MAGI2: variants seen among roughly 807,000 people sequenced by gnomAD.
The protein encoded by MAGI2 is membrane-associated guanylate kinase, WW and PDZ domain-containing protein 2.
Under a neutral mutation model 133.3 loss-of-function variants are expected in MAGI2, and 35 were observed. The observed-to-expected ratio is 0.26, with a 90% CI of 0.20 to 0.35. The LOEUF (loss-of-function observed/expected upper bound fraction) is 0.35, where lower values mean the gene tolerates loss of function less well. Among genes scored for constraint, MAGI2 ranks in the 10% least tolerant of loss-of-function variants. The probability of loss-of-function intolerance (pLI) is 1.00; values close to 1 mark genes in which losing one functional copy is unlikely to be tolerated. For synonymous variants in MAGI2, 729 were observed against 710.6 expected, an observed-to-expected ratio of 1.03 and a Z score of -0.41; for missense variants, 1,636 against 1,863.4, an observed-to-expected ratio of 0.88 and a Z score of 2.25.
At chr7:79,390,810 T>C (rs1450072291) in intron 1 of MAGI2, among the ~76,000 whole-genome samples, 3 of 152,196 alleles carry the variant, frequency 2.0e-5, no homozygotes, top group African/African-American at 7.2e-5. Flanking sequence ...ACATTCAGAC[T>C]AAGGGATGCA....
At chr7:78,905,137 C>G (rs563364624) in intron 2 of MAGI2, among the ~76,000 whole-genome samples, 1 of 152,156 alleles carries the variant, frequency 6.6e-6, no homozygotes, top group Admixed American at 6.6e-5. Flanking sequence ...AGTTTCAAAC[C>G]TTTATCATTA....
intron 10 of MAGI2, among the ~76,000 whole-genome samples, chr7:78,226,697 G>A (rs1789424878): frequency 6.6e-6 from 1 of 152,128 alleles, no homozygotes. Context: ...ACCTTTTCCT[G>A]CCAGGTAAAA....
intron 1 of MAGI2, among the ~76,000 whole-genome samples, chr7:79,321,954 C>T (rs953262637): frequency 1.3e-5 from 2 of 152,088 alleles, no homozygotes; most frequent in African/African-American, 4.8e-5. Flanking sequence ...GAATGCAAGT[C>T]CTTGATCAGA....
chr7:78,035,824 G>A (rs1810159091), intron 21 of MAGI2, among the ~76,000 whole-genome samples: 1 of 145,694 alleles, frequency 6.9e-6, no homozygotes, highest in African/African-American at 2.5e-5. Flanking sequence ...TCCTTTTTAT[G>A]TCCTTCTTTC....
At chr7:78,545,276 G>A (rs753139092) in intron 3 of MAGI2, among the ~76,000 whole-genome samples, 17 of 132,370 alleles carry the variant, frequency 1.3e-4, no homozygotes, top group African/African-American at 3.2e-4. Flanking sequence ...GCAGTGGCTC[G>A]ATCTCTGCTC....
At chr7:78,106,687 G>A (rs575971776) in intron 20 of MAGI2, among the ~76,000 whole-genome samples, 1 of 152,038 alleles carries the variant, frequency 6.6e-6, no homozygotes, top group South Asian at 2.1e-4. Context: ...CAGATATTTT[G>A]CCCATTTTTA....
intron 2 of MAGI2, among the ~76,000 whole-genome samples, chr7:79,003,760 A>T (rs1438857765): frequency 2.0e-5 from 3 of 152,222 alleles, no homozygotes; most frequent in Non-Finnish European, 4.4e-5. Context: ...CAACTAAGAA[A>T]TCAAATAATC....
At chr7:78,197,459 T>G (rs1352329712) in intron 11 of MAGI2, among the ~76,000 whole-genome samples, 1 of 152,246 alleles carries the variant, frequency 6.6e-6, no homozygotes, top group Non-Finnish European at 1.5e-5. Context: ...CATACCCAAA[T>G]GTGTCTTGCT....
chr7:78,405,466 G>T (rs1017536547), intron 6 of MAGI2, among the ~76,000 whole-genome samples: 2 of 151,908 alleles, frequency 1.3e-5, no homozygotes, highest in Non-Finnish European at 2.9e-5. Flanking sequence ...ACTCACCCAA[G>T]AATATTTCAA....
At chr7:79,017,294 G>T (rs1260325191) in intron 1 of MAGI2, among the ~76,000 whole-genome samples, 1 of 152,200 alleles carries the variant, frequency 6.6e-6, no homozygotes, top group Admixed American at 6.5e-5. Flanking sequence ...GCCCCCTAGA[G>T]TTAGAGCACA....
intron 1 of MAGI2, among the ~76,000 whole-genome samples, chr7:79,350,292 T>C (rs1246215290): frequency 6.6e-6 from 1 of 152,120 alleles, no homozygotes; most frequent in Admixed American, 6.6e-5. Context: ...ACGCAAATAG[T>C]CAAGATTGTC....
At chr7:78,768,245 T>A (rs1384829647) in intron 2 of MAGI2, among the ~76,000 whole-genome samples, 1 of 152,212 alleles carries the variant, frequency 6.6e-6, no homozygotes, top group Non-Finnish European at 1.5e-5. Flanking sequence ...TATTTAAGGG[T>A]GACTTGGTAA....
rs116383033 is a variant in MAGI2 at position 78,897,013 on chromosome 7, A to G, written c.418+110077T>C. 1.3e-3 allele frequency among the ~76,000 whole-genome samples: 202 copies of G among 152,326 alleles called. 1 individual carries two copies. The highest frequency in any genetic ancestry group is 4.8e-3 in the African/African-American group (199 of 41,582). Reference sequence around the variant, plus strand: ...AACCCAGAATACTTGTTCAAGGAATATATTTTATAAATGGCCGTTGAGTTT... The same window carrying G: ...AACCCAGAATACTTGTTCAAGGAATGTATTTTATAAATGGCCGTTGAGTTT... On this transcript the variant is annotated intron_variant, in intron 2 of 21. Transcript: ENST00000354212.
intron 2 of MAGI2, among the ~76,000 whole-genome samples, chr7:78,733,206 T>C (rs1821532330): frequency 6.6e-6 from 1 of 152,182 alleles, no homozygotes; most frequent in Non-Finnish European, 1.5e-5. Flanking sequence ...TCACAGGCAA[T>C]TACTATAAAA....
rs1240986353 is a variant in MAGI2, at chr7:78,687,995, A to AAAAAAAG, written c.419-60763_419-60757dup. Among the ~76,000 whole-genome samples the AAAAAAAG allele has an allele frequency of 3.4e-3, 450 of 131,416 alleles. 19 individuals carry two copies. Among genetic ancestry groups the AAAAAAAG allele is most frequent in the Non-Finnish European group, 3.9e-3 (248 of 62,834 alleles). 86.2% of individuals were successfully genotyped at this position (131,416 alleles called of 152,430 possible). ...AAAAAAAAAAAAAAAAAAAAAAAAA[A>AAAAAAAG]AAAAAAGAAAAAAGAAAAGAAAAAA... On this transcript the variant is annotated intron_variant, in intron 2 of 21. Transcript: ENST00000354212.
rs71095399 is a variant in MAGI2, at chr7:79,365,867, CAAAA to C, written c.301+87149_301+87152del. Among the ~76,000 whole-genome samples, 16 of 48,872 alleles carry C rather than the reference CAAAA, an allele frequency of 3.3e-4. No individual in the cohort carries two copies. The South Asian group carries it at 0.01, about 32-fold the overall frequency. 32.1% of individuals were successfully genotyped at this position (48,872 alleles called of 152,430 possible). A position where few individuals can be genotyped will look rare whatever the true frequency, so the allele number is the denominator to read the frequency against. ...GGGTAATAGAGTGAGACTCTTGTCT[CAAAA>C]AAAAAAAAAAAAAAAAAAAGTAACA... On this transcript the variant is annotated intron_variant, in intron 1 of 21. Transcript: ENST00000354212.
At chr7:79,342,812 T>C (rs1237048161) in intron 1 of MAGI2, among the ~76,000 whole-genome samples, 1 of 152,116 alleles carries the variant, frequency 6.6e-6, no homozygotes, top group Non-Finnish European at 1.5e-5. Context: ...CAAGGTGGAG[T>C]GCAATGGTGC....
rs967355455 is a variant in MAGI2, at chr7:78,313,752, A to T, written c.1408+30026T>A. On this transcript the variant is annotated intron_variant, in intron 9 of 21. Transcript: ENST00000354212. ...CTTAAAACTATATCTGCTAAGCAAC[A>T]TTTCTTTTCAGAGACGGAAAAAAAA... Among the ~76,000 whole-genome samples, 2 of 152,028 alleles carry T rather than the reference A, an allele frequency of 1.3e-5. 1 individual carries two copies. The highest frequency in any genetic ancestry group is 4.1e-4 in the South Asian group (2 of 4,832).
chr7:79,327,223 C>T (rs753268350), intron 1 of MAGI2, among the ~76,000 whole-genome samples: 13 of 152,100 alleles, frequency 8.5e-5, no homozygotes, highest in Non-Finnish European at 1.8e-4. Flanking sequence ...AACGTTTAGA[C>T]AGCTCCTGGC....
Sources: allele counts gnomAD v4.1 joint callset (sites outside exome capture counted in the v4.1 genomes callset), GRCh38; gene constraint gnomAD v4.1.1; transcripts MANE v1.5; gene names NCBI Gene and HGNC (gene_info 2026-07-23, HGNC 2026-07-21).